The following EMILIN3 variants were observed in gnomAD, a reference collection of about 807,000 sequenced individuals.
EMILIN3 encodes elastin microfibril interfacer 3, also known as EMILIN-3.
Under a neutral mutation model 42.8 loss-of-function variants are expected in EMILIN3, and 38 were observed. The observed-to-expected ratio is 0.89, with a 90% CI of 0.69 to 1.16. EMILIN3 has a LOEUF of 1.16. EMILIN3 is among the 50% of genes most tolerant of loss of function. The probability of loss-of-function intolerance (pLI) is 0.00; values close to 1 mark genes in which losing one functional copy is unlikely to be tolerated. For missense variants in EMILIN3, 924 were observed against 999.5 expected (o/e 0.92, Z 1.02); for synonymous variants, 430 against 440.5 (o/e 0.98, Z 0.30).
rs149345201 is a variant in EMILIN3, at chr20:41,362,690, C to T, written c.879G>A (p.Pro293=). Residue 293 remains proline, a synonymous_variant, in exon 4 of 4, where the codon CCG becomes CCA. Transcript: ENST00000332312. The part of the protein sequence containing the change: ...LQRLREAPPS[P]LTSLALLEEY... Reference sequence around the variant, plus strand: ...CCTCCAGCAGGGCCAGGGAGGTGAGCGGGGATGGTGGGGCTTCCCGCAGCC... The same window carrying T: ...CCTCCAGCAGGGCCAGGGAGGTGAGTGGGGATGGTGGGGCTTCCCGCAGCC... 1,944 of 1,613,030 alleles carry T rather than the reference C, an allele frequency of 1.2e-3. 15 individuals are homozygous for T. The highest frequency in any genetic ancestry group is 7.8e-3 in the South Asian group (708 of 91,050).
chr20:41,361,736 G>A lies in EMILIN3; in HGVS notation c.1833C>T (p.Ala611=), dbSNP rs12162472. ...LSDSVSQYSD[A]FLAANTSLDE... is the part of the protein sequence containing the mutation. ...CCAGGGACGTGTTGGCAGCCAAGAA[G>A]GCATCAGAGTACTGGCTGACAGAGT... The change falls in exon 4 of 4, where the codon GCC becomes GCT. Residue 611 remains alanine, a synonymous_variant. Coordinates refer to ENST00000332312, the MANE Select transcript of EMILIN3 (RefSeq NM_052846.2). The A allele has an allele frequency of 6.2e-7, 1 of 1,613,450 alleles. No individual in the cohort carries two copies. Among genetic ancestry groups the A allele is most frequent in the Non-Finnish European group, 8.5e-7 (1 of 1,179,814 alleles).
In EMILIN3 at chr20:41,365,052, C is replaced by T. The variant is rs759475375; in HGVS notation, c.273G>A (p.Lys91=). 2.5e-6 allele frequency: 4 copies of T among 1,613,960 alleles called. No individual in the cohort carries two copies. The highest frequency in any genetic ancestry group is 2.5e-6 in the Non-Finnish European group (3 of 1,179,922). The change falls in exon 2 of 4, where the codon AAG becomes AAA. Residue 91 remains lysine (K), a synonymous_variant. Coordinates refer to ENST00000332312, the MANE Select transcript of EMILIN3 (RefSeq NM_052846.2). ...GCACTTACGTGACTGTCCCGGGGCA[C>T]TTGGGCCCCCATCTACACTGCCGGT... ...AEYRQCRWGP[K]CPGTVTYRTV...
Position 41,363,786 on chromosome 20 carries a change from G to A in EMILIN3, c.366C>T (p.Pro122=), listed in dbSNP as rs756228065. 50 of 1,614,008 alleles carry A rather than the reference G, an allele frequency of 3.1e-5. No homozygotes were observed. The highest frequency in any genetic ancestry group is 2.7e-5 in the African/African-American group (2 of 74,918). The change falls in exon 3 of 4, where the codon CCC becomes CCT. Residue 122 remains proline, a synonymous_variant. Transcript: ENST00000332312. ...TVTDLAWRCC[P]GFTGKRCPEH... ...CAGGGCAGCGTTTCCCAGTGAAGCC[G>A]GGACAGCAACGCCAGGCGAGGTCTG...
chr20:41,366,044 C>T lies in EMILIN3; in HGVS notation c.167+424G>A, dbSNP rs889067337. Among the ~76,000 whole-genome samples the T allele has an allele frequency of 1.3e-5, 2 of 150,082 alleles. No homozygotes were observed. The highest frequency in any genetic ancestry group is 4.9e-5 in the African/African-American group (2 of 41,014). Reference sequence around the variant, plus strand: ...CGAGAGGGCAGCGGCCGCCCGGATGCGCAGCTCTATCTCCTACCTGGCCGG... The same window carrying T: ...CGAGAGGGCAGCGGCCGCCCGGATGTGCAGCTCTATCTCCTACCTGGCCGG... On this transcript the variant is annotated intron_variant, in intron 1 of 3. Coordinates refer to ENST00000332312, the MANE Select transcript of EMILIN3 (RefSeq NM_052846.2). This position sits in a 1 kb window ranked among gnomAD's most constrained non-coding sequence, Gnocchi z 4.2.
At position 41,366,481 on chromosome 20, in the gene EMILIN3, G is replaced by A; in HGVS notation, c.154C>T (p.Pro52Ser). ...YTTGWRPRLR[P>S]GPHKALCAYV... Reference sequence around the variant, plus strand: ...GCCCGCGCTTACTTGTGCGGCCCCGGGCGCAGCCGCGGGCGCCATCCCGTC... The same window carrying A: ...GCCCGCGCTTACTTGTGCGGCCCCGAGCGCAGCCGCGGGCGCCATCCCGTC... The change falls in exon 1 of 4, where the codon CCG becomes TCG. Residue 52 changes from proline to serine, a missense_variant. Pro to Ser is a moderately conservative substitution (Grantham distance 74). Coordinates refer to ENST00000332312, the MANE Select transcript of EMILIN3 (RefSeq NM_052846.2). This position sits in a 1 kb window ranked among gnomAD's most constrained non-coding sequence, Gnocchi z 4.2. 1 of 1,144,456 alleles carries A rather than the reference G, an allele frequency of 8.7e-7. No individual in the cohort carries two copies. The highest frequency in any genetic ancestry group is 1.1e-6 in the Non-Finnish European group (1 of 932,810). 70.9% of individuals were successfully genotyped at this position (1,144,456 alleles called of 1,614,324 possible).
chr20:41,365,280 T>A (rs2046388212), intron 1 of EMILIN3, 123 bp from the exon 2 acceptor site: 1 of 1,385,934 alleles, frequency 7.2e-7, no homozygotes, highest in Admixed American at 2.5e-5. Context: ...TTCTGTCTGT[T>A]CTCTGTGTCC....
rs1224278616 is a variant in EMILIN3 at position 41,363,071 on chromosome 20, A to G, written c.515-17T>C. 19 of 1,530,166 alleles carry G rather than the reference A, an allele frequency of 1.2e-5. No individual in the cohort carries two copies. The highest frequency in any genetic ancestry group is 1.4e-5 in the Non-Finnish European group (16 of 1,134,372). The allele number at this position is 1,530,166 out of a possible 1,614,324, so 94.8% of individuals were successfully genotyped here. On this transcript the variant is annotated splice_polypyrimidine_tract_variant and intron_variant, in intron 3 of 3. Coordinates refer to ENST00000332312, the MANE Select transcript of EMILIN3 (RefSeq NM_052846.2). ...CTTTCCTTCCTGGGAAAGAGAAGAG[A>G]GCCCCAGGGGCATCACTGGCCTCAC...
At position 41,362,711 on chromosome 20, in the gene EMILIN3, C is replaced by T. The variant is rs1332760329; in HGVS notation, c.858G>A (p.Leu286=). The stretch of plus-strand genomic sequence containing the variant: ...TGAGCGGGGATGGTGGGGCTTCCCG[C>T]AGCCGCTGCAGGTGGGCCTCATGGC... ...ALGHEAHLQR[L]REAPPSPLTS... is the part of the protein sequence containing the mutation. The change falls in exon 4 of 4, where the codon CTG becomes CTA. Residue 286 remains leucine, a synonymous_variant. Transcript: ENST00000332312. 6.2e-7 allele frequency: 1 copy of T among 1,613,790 alleles called. No individual in the cohort carries two copies. Among genetic ancestry groups the T allele is most frequent in the African/African-American group, 1.3e-5 (1 of 74,952 alleles).
In EMILIN3 at chr20:41,362,556, C is replaced by T. The variant is rs1455041841; in HGVS notation, c.1013G>A (p.Arg338Gln). Reference protein sequence around the residue: ...SECDLRVQEVRRQCEEGQAAS... With the variant: ...SECDLRVQEVQRQCEEGQAAS... ...GGCCTGACCCTCCTCACATTGCCGC[C>T]GTACCTCCTGCACCCGCAGGTCACA... The change falls in exon 4 of 4, where the codon CGG (arginine) becomes CAG (glutamine). Residue 338 changes from arginine (R) to glutamine (Q), a missense_variant. Transcript: ENST00000332312. The T allele has an allele frequency of 3.8e-6, 6 of 1,599,742 alleles. No homozygotes were observed. The highest frequency in any genetic ancestry group is 5.1e-6 in the Non-Finnish European group (6 of 1,179,304).
At chr20:41,364,826 G>A (rs567616140) in intron 2 of EMILIN3, among the ~76,000 whole-genome samples, 1 of 152,346 alleles carries the variant, frequency 6.6e-6, no homozygotes, top group African/African-American at 2.4e-5. Context: ...GTCTGTGCGG[G>A]TGATGCTCTG....
rs1291243699 is a variant in EMILIN3, at chr20:41,362,161, G to T, written c.1408C>A (p.Leu470Met). The change falls in exon 4 of 4, where the codon CTG becomes ATG. Residue 470 changes from leucine (L) to methionine (M), a missense_variant. Physicochemically the swap from Leu to Met is conservative, Grantham distance 15 (BLOSUM62 2). Transcript: ENST00000332312. ...GWGVGGFGTM[L>M]EERVQSLEER... ...TCGAGGCTCTGCACGCGCTCTTCCA[G>T]CATGGTCCCAAAGCCGCCCACTCCC... is the stretch of plus-strand genomic sequence containing the variant. 2 of 1,612,236 alleles carry T rather than the reference G, an allele frequency of 1.2e-6. No individual in the cohort carries two copies. Among genetic ancestry groups the T allele is most frequent in the Non-Finnish European group, 1.7e-6 (2 of 1,179,184 alleles).
chr20:41,363,371 A>G (rs113079831), intron 3 of EMILIN3, among the ~76,000 whole-genome samples: 31,954 of 151,878 alleles, frequency 0.21, 3,871 homozygotes, highest in African/African-American at 0.32. Flanking sequence ...TCGATCTCCT[A>G]ACCTCGTGAT....
Position 41,366,480 on chromosome 20 carries a change from G to A in EMILIN3, c.155C>T (p.Pro52Leu). The change falls in exon 1 of 4, where the codon CCG becomes CTG. Residue 52 changes from proline to leucine, a missense_variant. Transcript: ENST00000332312. This position sits in a 1 kb window ranked among gnomAD's most constrained non-coding sequence, Gnocchi z 4.2. ...YTTGWRPRLR[P>L]GPHKALCAYV... ...CGCCCGCGCTTACTTGTGCGGCCCC[G>A]GGCGCAGCCGCGGGCGCCATCCCGT... The A allele has an allele frequency of 6.1e-6, 7 of 1,142,918 alleles. No homozygotes were observed. The highest frequency in any genetic ancestry group is 7.5e-6 in the Non-Finnish European group (7 of 931,868). 70.8% of individuals were successfully genotyped at this position (1,142,918 alleles called of 1,614,324 possible). A position where few individuals can be genotyped will look rare whatever the true frequency, so the allele number is the denominator to read the frequency against.
intron 3 of EMILIN3, among the ~76,000 whole-genome samples, 173 bp from the exon 4 acceptor site, chr20:41,363,227 G>A (rs1438095875): frequency 6.6e-6 from 1 of 150,946 alleles, no homozygotes; most frequent in Non-Finnish European, 1.5e-5. Flanking sequence ...TGCAAGCTCC[G>A]CCTTCCGGGT....
rs1569019866 is a variant in EMILIN3 at position 41,363,019 on chromosome 20, C to T, written c.550G>A (p.Glu184Lys). 1 of 1,600,954 alleles carries T rather than the reference C, an allele frequency of 6.2e-7. No individual in the cohort carries two copies. The highest frequency in any genetic ancestry group is 8.5e-7 in the Non-Finnish European group (1 of 1,170,516). Residue 184 changes from glutamate (E) to lysine (K), a missense_variant, in exon 4 of 4, where the codon GAA becomes AAA. Transcript: ENST00000332312. The part of the protein sequence containing the change: ...KGPGLFGERL[E>K]RLEGDVQRLA... The stretch of plus-strand genomic sequence containing the variant: ...CGCTGGACATCACCCTCCAGGCGTT[C>T]CAGCCGCTCACCAAACAGCCCTGGG...
At position 41,361,424 on chromosome 20, in the gene EMILIN3, A is replaced by G. The variant is rs770549228; in HGVS notation, c.2145T>C (p.Thr715=). 2.5e-6 allele frequency: 4 copies of G among 1,610,656 alleles called. No homozygotes were observed. The highest frequency in any genetic ancestry group is 2.7e-5 in the African/African-American group (2 of 74,864). Residue 715 remains threonine (T), a synonymous_variant, in exon 4 of 4, where the codon ACT becomes ACC. Transcript: ENST00000332312. ...GGCCCTCTCTGGGCCTCAGTGGCTC[A>G]GTGGGCAAGCTGTCCAGGCCCGCGG... The part of the protein sequence containing the change: ...LLAAGLDSLP[T]EPLRPREGLW...
chr20:41,363,731 G>C lies in EMILIN3; in HGVS notation c.421C>G (p.Pro141Ala), dbSNP rs951349881. 3.7e-6 allele frequency: 6 copies of C among 1,613,994 alleles called. No individual in the cohort carries two copies. The African/African-American group carries it at 8.0e-5, about 22-fold the overall frequency. Residue 141 changes from proline to alanine, a missense_variant, in exon 3 of 4, where the codon CCC (proline) becomes GCC (alanine). Physicochemically the swap from Pro to Ala is conservative, Grantham distance 27. Coordinates refer to ENST00000332312, the MANE Select transcript of EMILIN3 (RefSeq NM_052846.2). ...ATCTGAGGCTCAGGCTCCAGCTGGGGTGAGGCAGCCCCATGGTCCGTGAGG... is the reference window on the plus strand; with the variant it reads ...ATCTGAGGCTCAGGCTCCAGCTGGGCTGAGGCAGCCCCATGGTCCGTGAGG... ...EHLTDHGAAS[P>A]QLEPEPQIPS...
At position 41,361,731 on chromosome 20, in the gene EMILIN3, A is replaced by G. The variant is rs11557909; in HGVS notation, c.1838T>C (p.Leu613Ser). ...CTCATCCAGGGACGTGTTGGCAGCCAAGAAGGCATCAGAGTACTGGCTGAC... is the reference window on the plus strand; with the variant it reads ...CTCATCCAGGGACGTGTTGGCAGCCGAGAAGGCATCAGAGTACTGGCTGAC... ...DSVSQYSDAF[L>S]AANTSLDERE... Residue 613 changes from leucine (L) to serine (S), a missense_variant, in exon 4 of 4, where the codon TTG becomes TCG. Transcript: ENST00000332312. 6,866 of 1,613,380 alleles carry G rather than the reference A, an allele frequency of 4.3e-3. 29 individuals carry two copies. The highest frequency in any genetic ancestry group is 5.1e-3 in the Non-Finnish European group (6,053 of 1,179,768).
intron 2 of EMILIN3, 51 bp downstream of exon 2, chr20:41,364,984 C>A (rs765867594): frequency 6.2e-7 from 1 of 1,609,040 alleles, no homozygotes; most frequent in South Asian, 1.1e-5. Context: ...GAAGGCAGGA[C>A]TGGCGCTTGT....
Sources: allele counts gnomAD v4.1 joint callset (sites outside exome capture counted in the v4.1 genomes callset), GRCh38; gene constraint gnomAD v4.1.1; non-coding constraint Gnocchi (gnomAD v3.1); transcripts MANE v1.5; gene names NCBI Gene and HGNC (gene_info 2026-07-23, HGNC 2026-07-21).